Variants in VTA1 observed in about 807,000 individuals in gnomAD.
VTA1 encodes vesicle trafficking 1, also known as vacuolar protein sorting-associated protein VTA1 homolog.
In VTA1, 24 loss-of-function variants were observed where a neutral mutation model predicts 36.9. That is an observed-to-expected ratio of 0.65 (90% CI 0.47 to 0.91). The LOEUF (loss-of-function observed/expected upper bound fraction) is 0.91. Ranked by LOEUF, VTA1 falls within the 40% of genes least tolerant of loss-of-function variation. The pLI is 0.00. For synonymous variants in VTA1, 142 were observed against 130.2 expected (o/e 1.09, Z -0.62); for missense variants, 393 against 377.2 (o/e 1.04, Z -0.35).
chr6:142,169,633 GT>G lies in VTA1; in HGVS notation c.296del (p.Leu99CysfsTer16). On this transcript the variant is annotated frameshift_variant, in exon 3 of 8. Transcript: ENST00000367630. LOFTEE classifies it high-confidence loss of function. Reference sequence around the variant, plus strand: ...ATTTGGAGAATTATGCTTTGAAAATGTTTTTGTATGCAGACAATGAAGATCG... The same window carrying G: ...ATTTGGAGAATTATGCTTTGAAAATGTTTTGTATGCAGACAATGAAGATCG... ...AHLENYALKM[F>X]LYADNEDRAG... 1 of 1,609,586 alleles carries G rather than the reference GT, an allele frequency of 6.2e-7. No individual in the cohort carries two copies. The highest frequency in any genetic ancestry group is 1.1e-5 in the South Asian group (1 of 89,832).
chr6:142,185,757 C>T (rs1411723177), intron 4 of VTA1, among the ~76,000 whole-genome samples: 4 of 152,178 alleles, frequency 2.6e-5, no homozygotes, highest in African/African-American at 7.2e-5. Context: ...GTATCATAAA[C>T]GTAACAGAAC....
intron 5 of VTA1, among the ~76,000 whole-genome samples, chr6:142,197,632 C>G (rs1775578595): frequency 6.6e-6 from 1 of 152,142 alleles, no homozygotes; most frequent in Non-Finnish European, 1.5e-5. Flanking sequence ...TTGAACAACT[C>G]ACAGATAATC....
chr6:142,157,076 A>C (rs898624671), intron 1 of VTA1, among the ~76,000 whole-genome samples: 2 of 152,236 alleles, frequency 1.3e-5, no homozygotes, highest in African/African-American at 4.8e-5. Context: ...AGGCAGAAGA[A>C]TCGCTTGAAC....
chr6:142,181,090 A>ATATATATAT (rs1554219828), intron 4 of VTA1, among the ~76,000 whole-genome samples: 2 of 41,060 alleles, frequency 4.9e-5, no homozygotes, highest in African/African-American at 1.4e-4. Flanking sequence ...AAAAAAAAAA[A>ATATATATAT]AAAAATATAT....
chr6:142,213,671 C>T (rs529132010), intron 7 of VTA1, among the ~76,000 whole-genome samples: 1 of 152,356 alleles, frequency 6.6e-6, no homozygotes, highest in South Asian at 2.1e-4. Context: ...CCAAACCTCA[C>T]CTCTTGCCTT....
intron 7 of VTA1, among the ~76,000 whole-genome samples, chr6:142,205,484 T>G (rs772019233): frequency 6.6e-6 from 1 of 152,180 alleles, no homozygotes; most frequent in Non-Finnish European, 1.5e-5. Context: ...ATGTAAGAAC[T>G]CTCACATTTT....
At chr6:142,202,485 A>G (rs1411937676) in intron 6 of VTA1, among the ~76,000 whole-genome samples, 1 of 152,054 alleles carries the variant, frequency 6.6e-6, no homozygotes, top group East Asian at 1.9e-4. Flanking sequence ...ATGGGACACT[A>G]TGGAACCATT....
chr6:142,179,344 T>G lies in VTA1; in HGVS notation c.411+8923T>G, dbSNP rs147171736. On this transcript the variant is annotated intron_variant, in intron 4 of 7. Transcript: ENST00000367630. ...TTTTTTTAATGCTAAACATACTCCCTTTTACCCAGCAATTCCTATTCTGGT... is the reference window on the plus strand; with the variant it reads ...TTTTTTTAATGCTAAACATACTCCCGTTTACCCAGCAATTCCTATTCTGGT... Among the ~76,000 whole-genome samples, 88 of 152,140 alleles carry G rather than the reference T, an allele frequency of 5.8e-4. No homozygotes were observed. In the East Asian group the frequency reaches 0.017, roughly 29 times the overall value.
At chr6:142,212,600 A>G (rs1361808342) in intron 7 of VTA1, among the ~76,000 whole-genome samples, 1 of 143,406 alleles carries the variant, frequency 7.0e-6, no homozygotes, top group African/African-American at 2.8e-5. Flanking sequence ...CTGTTCTCAT[A>G]TTGCTATAAA....
chr6:142,216,836 A>G, intron 7 of VTA1, among the ~76,000 whole-genome samples: 1 of 152,220 alleles, frequency 6.6e-6, no homozygotes. Context: ...TTCTTTCAGC[A>G]TGTCCAGTAA....
intron 6 of VTA1, among the ~76,000 whole-genome samples, chr6:142,200,750 A>C (rs1002930342): frequency 1.9e-4 from 29 of 151,950 alleles, no homozygotes; most frequent in African/African-American, 7.0e-4. Context: ...GATCTAGTTA[A>C]CTCTAGCATG....
intron 1 of VTA1, among the ~76,000 whole-genome samples, chr6:142,152,032 TC>T (rs1338462515): frequency 6.6e-6 from 1 of 151,412 alleles, no homozygotes; most frequent in African/African-American, 2.4e-5. Context: ...AGACTTCGTC[TC>T]AAAAAAATAA....
intron 7 of VTA1, among the ~76,000 whole-genome samples, chr6:142,205,112 G>C (rs1354226378): frequency 6.6e-6 from 1 of 152,112 alleles, no homozygotes; most frequent in Non-Finnish European, 1.5e-5. Flanking sequence ...CCCTGTATGA[G>C]TGGGAACTGG....
intron 5 of VTA1, among the ~76,000 whole-genome samples, chr6:142,192,506 G>GTT (rs151164948): frequency 0.011 from 1,697 of 152,098 alleles, 36 homozygotes; most frequent in African/African-American, 0.039. Context: ...TGGTAAATTT[G>GTT]TTTTGATACA....
At chr6:142,209,028 AAAAG>A (rs1775849691) in intron 7 of VTA1, among the ~76,000 whole-genome samples, 1 of 152,200 alleles carries the variant, frequency 6.6e-6, no homozygotes, top group African/African-American at 2.4e-5. Flanking sequence ...GCAATTAGGC[AAAAG>A]AAAGAAATAA....
At chr6:142,150,146 A>G (rs1039724711) in intron 1 of VTA1, among the ~76,000 whole-genome samples, 6 of 151,466 alleles carry the variant, frequency 4.0e-5, no homozygotes, top group African/African-American at 1.5e-4. Context: ...ATTTTTAACC[A>G]CTCTATTTCT....
chr6:142,182,458 AT>A (rs763298139), intron 4 of VTA1, among the ~76,000 whole-genome samples: 12 of 152,310 alleles, frequency 7.9e-5, no homozygotes, highest in Non-Finnish European at 1.5e-4. Context: ...TTAGTATGTT[AT>A]TAAATAATCA....
chr6:142,160,773 TTCA>T (rs1282983390), intron 1 of VTA1, among the ~76,000 whole-genome samples: 1 of 152,182 alleles, frequency 6.6e-6, no homozygotes, highest in Non-Finnish European at 1.5e-5. Flanking sequence ...CCATAGTTAC[TTCA>T]TCAAGGCCAG....
At chr6:142,211,826 A>T (rs1227934784) in intron 7 of VTA1, among the ~76,000 whole-genome samples, 1 of 152,228 alleles carries the variant, frequency 6.6e-6, no homozygotes, top group Admixed American at 6.5e-5. Flanking sequence ...AAAGAACAAT[A>T]ACGCAGACAA....
Sources: gnomAD v4.1 joint callset for allele counts (sites outside exome capture counted in the v4.1 genomes callset) on GRCh38, gnomAD v4.1.1 for gene constraint, MANE v1.5 for transcripts, NCBI Gene and HGNC (gene_info 2026-07-23, HGNC 2026-07-21) for gene names.